The following ZNF844 variants were observed in gnomAD, a reference collection of about 807,000 sequenced individuals.
The protein encoded by ZNF844 is zinc finger protein 844.
Under a neutral mutation model 11.4 loss-of-function variants are expected in ZNF844, and 11 were observed. The ratio of observed to expected loss-of-function variants is 0.97; its 90% CI spans 0.61 to 1.60. ZNF844 has a LOEUF of 1.60. Ranked by LOEUF, ZNF844 falls within the 40% of genes most tolerant of loss-of-function variation. ZNF844 has a pLI of 0.00. For missense variants in ZNF844, 790 were observed against 796.8 expected, an observed-to-expected ratio of 0.99 and a Z score of 0.10; for synonymous variants, 248 against 260.3, an observed-to-expected ratio of 0.95 and a Z score of 0.46.
Position 12,077,300 on chromosome 19 carries a change from G to T in ZNF844, c.*179G>T. 1 of 1,138,722 alleles carries T rather than the reference G, an allele frequency of 8.8e-7. No individual in the cohort carries two copies. The highest frequency in any genetic ancestry group is 1.3e-6 in the Non-Finnish European group (1 of 759,076). 70.5% of individuals were successfully genotyped at this position (1,138,722 alleles called of 1,614,324 possible). A position where few individuals can be genotyped will look rare whatever the true frequency, so the allele number is the denominator to read the frequency against. ...CTCACACTGGAGAGAAACCCTATGA[G>T]TGTAAGCAATGTGGAAAAGCCTTTA... is the stretch of plus-strand genomic sequence containing the variant. On this transcript the variant is annotated 3_prime_UTR_variant, in exon 4 of 4. Transcript: ENST00000439326.
Position 12,077,263 on chromosome 19 carries a change from G to A in ZNF844, c.*142G>A, listed in dbSNP as rs1975839565. ...TTCATTTCTTCCACTGCCATTCGTA[G>A]ACATGAAAGGACTCACACTGGAGAG... On this transcript the variant is annotated 3_prime_UTR_variant, in exon 4 of 4. Coordinates refer to ENST00000439326, the MANE Select transcript of ZNF844 (RefSeq NM_001136501.3). The A allele has an allele frequency of 2.9e-6, 4 of 1,362,580 alleles. No homozygotes were observed. The highest frequency in any genetic ancestry group is 4.2e-6 in the Non-Finnish European group (4 of 962,610). 84.4% of individuals were successfully genotyped at this position (1,362,580 alleles called of 1,614,324 possible).
chr19:12,076,758 C>A lies in ZNF844; in HGVS notation c.1638C>A (p.Thr546=), dbSNP rs771803810. 6 of 1,596,610 alleles carry A rather than the reference C, an allele frequency of 3.8e-6. No individual in the cohort carries two copies. The Admixed American group carries it at 8.9e-5, about 24-fold the overall frequency. ...NVKKPLDLSE[T]FKFMKRHTLE... The stretch of plus-strand genomic sequence containing the variant: ...AAAAACCTTTGGATCTGTCAGAAAC[C>A]TTCAAATTCATGAAAAGACACACCC... Residue 546 remains threonine, a synonymous_variant, in exon 4 of 4, where the codon ACC becomes ACA. Coordinates refer to ENST00000439326, the MANE Select transcript of ZNF844 (RefSeq NM_001136501.3).
chr19:12,065,769 T>A (rs911006555), intron 1 of ZNF844, among the ~76,000 whole-genome samples: 1 of 151,782 alleles, frequency 6.6e-6, no homozygotes, highest in Non-Finnish European at 1.5e-5. Flanking sequence ...CCCTAGTAGC[T>A]GGGGTTACAG....
intron 3 of ZNF844, among the ~76,000 whole-genome samples, 192 bp from the exon 4 acceptor site, chr19:12,075,120 G>T (rs992832981): frequency 6.6e-6 from 1 of 151,846 alleles, no homozygotes; most frequent in Admixed American, 6.6e-5. Flanking sequence ...CGAGTTAATG[G>T]GTGCAGCACA....
intron 1 of ZNF844, among the ~76,000 whole-genome samples, chr19:12,066,272 T>G (rs1389332823): frequency 6.6e-6 from 1 of 151,710 alleles, no homozygotes; most frequent in Non-Finnish European, 1.5e-5. Flanking sequence ...TGGGAAATGG[T>G]CCTCCTGAGT....
chr19:12,074,191 G>C (rs764819679), intron 2 of ZNF844, 34 bp downstream of exon 2: 1 of 1,611,076 alleles, frequency 6.2e-7, no homozygotes, highest in African/African-American at 1.3e-5. Context: ...CCCAGTGAAT[G>C]AGACAAGTGT....
rs1325460278 is a variant in ZNF844 at position 12,076,504 on chromosome 19, A to G, written c.1384A>G (p.Thr462Ala). 3.1e-6 allele frequency: 5 copies of G among 1,609,234 alleles called. No homozygotes were observed. Among genetic ancestry groups the G allele is most frequent in the African/African-American group, 2.7e-5 (2 of 73,660 alleles). The part of the protein sequence containing the change: ...NVGKPSDLPH[T>A]FKCMEGLTLK... ...GGGAAAGCCTTCAGATCTGCCTCAC[A>G]CCTTCAAATGCATGGAAGGACTCAC... The change falls in exon 4 of 4, where the codon ACC becomes GCC. Residue 462 changes from threonine to alanine, a missense_variant. Transcript: ENST00000439326.
rs778362637 is a variant in ZNF844, at chr19:12,074,080, G to A, written c.53G>A (p.Trp18Ter). 1.2e-6 allele frequency: 2 copies of A among 1,613,708 alleles called. No individual in the cohort carries two copies. Among genetic ancestry groups the A allele is most frequent in the East Asian group, 4.5e-5 (2 of 44,858 alleles). ...GCTGTGAACTTCACCCAGGAGGAGT[G>A]GTCTTTGCTGGATCCTTCCCAGAAG... Reference protein sequence around the residue: ...DVAVNFTQEEWSLLDPSQKNL... With the variant: ...DVAVNFTQEE Residue 18 changes from tryptophan to a stop codon, truncating the protein, a stop_gained, in exon 2 of 4, where the codon TGG (tryptophan) becomes TAG (stop). Coordinates refer to ENST00000439326, the MANE Select transcript of ZNF844 (RefSeq NM_001136501.3). LOFTEE classifies it high-confidence loss of function.
Position 12,077,983 on chromosome 19 carries a change from C to G in ZNF844, c.*862C>G. On this transcript the variant is annotated 3_prime_UTR_variant, in exon 4 of 4. Coordinates refer to ENST00000439326, the MANE Select transcript of ZNF844 (RefSeq NM_001136501.3). ...AGCTGGGACTACAGGTGCCTGCCAC[C>G]ACACCCGGCTGATTTTTTGTATTTT... The G allele has an allele frequency of 5.9e-6, 1 of 170,346 alleles. No homozygotes were observed. Among genetic ancestry groups the G allele is most frequent in the South Asian group, 1.3e-4 (1 of 7,458 alleles). The allele number at this position is 170,346 out of a possible 1,614,324, so 10.6% of individuals were successfully genotyped here. A position where few individuals can be genotyped will look rare whatever the true frequency, so the allele number is the denominator to read the frequency against.
chr19:12,065,567 G>A (rs1440569111), intron 1 of ZNF844, among the ~76,000 whole-genome samples: 11 of 151,950 alleles, frequency 7.2e-5, no homozygotes, highest in Non-Finnish European at 1.5e-5. Context: ...CGGAGACAGA[G>A]TTAGCACTCA....
intron 1 of ZNF844, among the ~76,000 whole-genome samples, chr19:12,066,029 C>T (rs1045389332): frequency 2.6e-5 from 4 of 152,148 alleles, no homozygotes; most frequent in African/African-American, 7.2e-5. Flanking sequence ...ACCTGAGCAG[C>T]AGCTCAGGTG....
chr19:12,075,542 A>C lies in ZNF844; in HGVS notation c.422A>C (p.Tyr141Ser). The change falls in exon 4 of 4, where the codon TAT (tyrosine) becomes TCT (serine). Residue 141 changes from tyrosine (Y) to serine (S), a missense_variant. This residue lies in a region of ZNF844 where 657 missense variants were observed against 636.2 expected (regional missense o/e 1.03). Coordinates refer to ENST00000439326, the MANE Select transcript of ZNF844 (RefSeq NM_001136501.3). ...TATCAGGAATATGGACAGGAGCCATATAAGTGTCAACAACGTAAGAAAGCC... is the reference window on the plus strand; with the variant it reads ...TATCAGGAATATGGACAGGAGCCATCTAAGTGTCAACAACGTAAGAAAGCC... ...SEYQEYGQEP[Y>S]KCQQRKKAFR... 1.2e-6 allele frequency: 2 copies of C among 1,614,104 alleles called. No individual in the cohort carries two copies. Among genetic ancestry groups the C allele is most frequent in the Non-Finnish European group, 1.7e-6 (2 of 1,180,012 alleles).
chr19:12,068,418 G>C (rs906158372), intron 1 of ZNF844, among the ~76,000 whole-genome samples: 5 of 152,162 alleles, frequency 3.3e-5, no homozygotes, highest in African/African-American at 1.2e-4. Context: ...ATGAGGTCAG[G>C]AGTTCGAGAC....
rs1239771889 is a variant in ZNF844, at chr19:12,076,317, G to A, written c.1197G>A (p.Lys399=). ...TTATGAATGCAAGCACTGTGGTAAA[G>A]CCTTCAATCGTTCCAGTTCCTTTCA... ...RNLMNASTVV[K]PSIVPVPFTI... Residue 399 remains lysine (K), a synonymous_variant, in exon 4 of 4, where the codon AAG becomes AAA. Coordinates refer to ENST00000439326, the MANE Select transcript of ZNF844 (RefSeq NM_001136501.3). The A allele has an allele frequency of 6.2e-7, 1 of 1,613,766 alleles. No homozygotes were observed. Among genetic ancestry groups the A allele is most frequent in the Non-Finnish European group, 8.5e-7 (1 of 1,179,868 alleles).
chr19:12,066,288 G>C (rs923658284), intron 1 of ZNF844, among the ~76,000 whole-genome samples: 1 of 151,950 alleles, frequency 6.6e-6, no homozygotes, highest in Non-Finnish European at 1.5e-5. Flanking sequence ...TGAGTGCTGA[G>C]TTGCTTATAG....
In ZNF844 at chr19:12,078,777, G is replaced by A. The variant is rs1975860289; in HGVS notation, c.*1656G>A. On this transcript the variant is annotated 3_prime_UTR_variant, in exon 4 of 4. Transcript: ENST00000439326. ...AAAACCCTATGAATGTAAGCTGCGTGGGAAAGCATTTTCTGATCTGAGTGG... is the reference window on the plus strand; with the variant it reads ...AAAACCCTATGAATGTAAGCTGCGTAGGAAAGCATTTTCTGATCTGAGTGG... The A allele has an allele frequency of 6.6e-6, 1 of 152,440 alleles. No homozygotes were observed. The highest frequency in any genetic ancestry group is 1.5e-5 in the Non-Finnish European group (1 of 68,052). 9.4% of individuals were successfully genotyped at this position (152,440 alleles called of 1,614,324 possible).
rs1196821219 is a variant in ZNF844 at position 12,076,223 on chromosome 19, C to T, written c.1103C>T (p.Thr368Ile). Residue 368 changes from threonine to isoleucine, a missense_variant, in exon 4 of 4, where the codon ACT (threonine) becomes ATT (isoleucine). By Grantham distance (89) the Thr-to-Ile change is moderately conservative. This residue lies in a region of ZNF844 where 657 missense variants were observed against 636.2 expected (regional missense o/e 1.03). Coordinates refer to ENST00000439326, the MANE Select transcript of ZNF844 (RefSeq NM_001136501.3). The stretch of plus-strand genomic sequence containing the variant: ...AGAATGAGACCTTATAAATGTAAGA[C>T]TGTGGAAAAGCCTTTGATTCTCCCA... The part of the protein sequence containing the change: ...HTRMRPYKCK[T>I]VEKPLILPVR... 6.2e-7 allele frequency: 1 copy of T among 1,601,168 alleles called. No individual in the cohort carries two copies. Among genetic ancestry groups the T allele is most frequent in the Non-Finnish European group, 8.5e-7 (1 of 1,173,870 alleles).
chr19:12,068,287 C>A (rs776009109), intron 1 of ZNF844, among the ~76,000 whole-genome samples: 4 of 151,946 alleles, frequency 2.6e-5, no homozygotes, highest in Non-Finnish European at 5.9e-5. Context: ...TCAGCCTGGG[C>A]GACAGAGCAA....
intron 1 of ZNF844, among the ~76,000 whole-genome samples, chr19:12,066,989 A>G (rs191512933): frequency 1.1e-4 from 17 of 152,284 alleles, no homozygotes; most frequent in African/African-American, 4.1e-4. Flanking sequence ...TGGTTTCATT[A>G]TCATGGAAAT....
Sources: gnomAD v4.1 joint callset for allele counts (sites outside exome capture counted in the v4.1 genomes callset) on GRCh38, gnomAD v4.1.1 for gene constraint, gnomAD v4.1.1 regional missense constraint, MANE v1.5 for transcripts, NCBI Gene and HGNC (gene_info 2026-07-23, HGNC 2026-07-21) for gene names.